The following ANKRD26 variants were observed in gnomAD, a reference collection of about 807,000 sequenced individuals.
The protein encoded by ANKRD26 is ankyrin repeat domain-containing protein 26.
In ANKRD26, 141 loss-of-function variants were observed where a neutral mutation model predicts 208.7. The observed-to-expected ratio is 0.68, with a 90% CI of 0.59 to 0.78. The LOEUF is 0.78. Among genes scored for constraint, ANKRD26 ranks in the 30% least tolerant of loss-of-function variants. ANKRD26 has a pLI of 0.00. For missense variants in ANKRD26, 1,889 were observed against 1,938.7 expected, an observed-to-expected ratio of 0.97 and a Z score of 0.48; for synonymous variants, 636 against 660.4, an observed-to-expected ratio of 0.96 and a Z score of 0.57.
At chr10:26,997,400 A>C (rs895752536) in intron 4 of ANKRD26, among the ~76,000 whole-genome samples, 1 of 152,176 alleles carries the variant, frequency 6.6e-6, no homozygotes, top group South Asian at 2.1e-4. Context: ...TCAAGGTAGA[A>C]TACTAGGAGA....
chr10:26,982,907 A>G (rs1043353695), intron 3 of ANKRD26, among the ~76,000 whole-genome samples: 1 of 152,128 alleles, frequency 6.6e-6, no homozygotes, highest in African/African-American at 2.4e-5. Context: ...ATCCAAACAA[A>G]CCACTCAACT....
chr10:27,003,451 A>G (rs759526781), downstream of ANKRD26, among the ~76,000 whole-genome samples: 29 of 152,228 alleles, frequency 1.9e-4, no homozygotes, highest in Non-Finnish European at 1.9e-4. Context: ...CAAATCACCA[A>G]TGAAATGCTT....
chr10:26,958,420 G>A, the ANKRD26 span, among the ~76,000 whole-genome samples: 186 of 152,168 alleles, frequency 1.2e-3, no homozygotes, highest in Middle Eastern at 3.4e-3. Flanking sequence ...ACATCCATTA[G>A]CTATTCTTGC....
chr10:27,014,392 T>G, intron 31 of ANKRD26, 102 bp downstream of exon 31: 1 of 892,128 alleles, frequency 1.1e-6, no homozygotes. Context: ...ATATTACCTA[T>G]TTAGCTTTCA....
chr10:27,095,700 A>C (rs571394036), intron 1 of ANKRD26, among the ~76,000 whole-genome samples: 53 of 152,306 alleles, frequency 3.5e-4, no homozygotes, highest in South Asian at 2.1e-3. Flanking sequence ...AGGGAGGAAA[A>C]GCTTCAATTG....
chr10:27,028,585 C>CAAAAAAAAAAAAAAAAAAAAAA (rs11294303), intron 27 of ANKRD26, among the ~76,000 whole-genome samples: 26 of 76,052 alleles, frequency 3.4e-4, no homozygotes, highest in East Asian at 1.3e-3. Context: ...GACTCCATCT[C>CAAAAAAAAAAAAAAAAAAAAAA]AAAAAAAAAA....
chr10:27,087,336 A>G (rs2056156141), intron 4 of ANKRD26, among the ~76,000 whole-genome samples: 2 of 152,228 alleles, frequency 1.3e-5, no homozygotes, highest in South Asian at 4.1e-4. Context: ...ACAAGATAAC[A>G]CTTTTCAAAT....
At chr10:27,022,379 C>G (rs2053518055) in intron 29 of ANKRD26, among the ~76,000 whole-genome samples, 179 bp downstream of exon 29, 1 of 152,032 alleles carries the variant, frequency 6.6e-6, no homozygotes, top group South Asian at 2.1e-4. Flanking sequence ...ACAAGTTTAA[C>G]TACATAACAA....
the ANKRD26 span, among the ~76,000 whole-genome samples, chr10:26,963,849 TTTTG>T: frequency 2.6e-5 from 4 of 151,602 alleles, no homozygotes; most frequent in Admixed American, 6.6e-5. Flanking sequence ...ACTCTATTGG[TTTTG>T]TTTGTGTTAT....
intron 21 of ANKRD26, among the ~76,000 whole-genome samples, chr10:27,038,290 G>A (rs905168537): frequency 2.6e-5 from 4 of 152,102 alleles, no homozygotes; most frequent in African/African-American, 7.2e-5. Context: ...TTTCTGTTAT[G>A]AGTACCTCTG....
chr10:26,972,183 C>A (rs551640343), downstream of ANKRD26, among the ~76,000 whole-genome samples: 12 of 148,090 alleles, frequency 8.1e-5, no homozygotes, highest in Admixed American at 7.5e-4. Context: ...TGCAGTGAGC[C>A]GAGATCGTGC....
At chr10:27,003,179 G>A (rs1589192211), downstream of ANKRD26, among the ~76,000 whole-genome samples, 1 of 152,158 alleles carries the variant, frequency 6.6e-6, no homozygotes, top group Non-Finnish European at 1.5e-5. Context: ...AGGGAGCCAG[G>A]TTGCTGTCAG....
chr10:27,009,182 T>C (rs2053004214), intron 32 of ANKRD26, among the ~76,000 whole-genome samples: 1 of 152,058 alleles, frequency 6.6e-6, no homozygotes, highest in Non-Finnish European at 1.5e-5. Context: ...TGAGGGCAAC[T>C]ACTTTTGAGA....
At chr10:26,961,153 G>C in the ANKRD26 span, among the ~76,000 whole-genome samples, 1 of 151,296 alleles carries the variant, frequency 6.6e-6, no homozygotes. Flanking sequence ...GGAGGCGGAG[G>C]TTGCAGTGAG....
chr10:26,963,903 G>GTTTTTTGTTTT, the ANKRD26 span, among the ~76,000 whole-genome samples: 1 of 71,850 alleles, frequency 1.4e-5, no homozygotes, highest in Non-Finnish European at 2.3e-5. Context: ...TGGTTGGTTG[G>GTTTTTTGTTTT]TTTTTTTTTT....
rs1316644983 is a variant in ANKRD26, at chr10:27,005,526, A to C, written c.*64T>G. 1 of 1,571,736 alleles carries C rather than the reference A, an allele frequency of 6.4e-7. No homozygotes were observed. Among genetic ancestry groups the C allele is most frequent in the African/African-American group, 1.4e-5 (1 of 73,578 alleles). ...CGTTCCTTTAATATTTTTACATGTC[A>C]TATATTAATATTTAATGAGAAACAA... On this transcript the variant is annotated 3_prime_UTR_variant, in exon 34 of 34. Coordinates refer to ENST00000376087, the MANE Select transcript of ANKRD26 (RefSeq NM_014915.3).
chr10:27,090,977 T>C (rs1490058820), intron 4 of ANKRD26, among the ~76,000 whole-genome samples: 1 of 152,126 alleles, frequency 6.6e-6, no homozygotes, highest in African/African-American at 2.4e-5. Context: ...ATGCCTGTAG[T>C]CCCAGCTACT....
Position 27,060,534 on chromosome 10 carries a change from G to A in ANKRD26, c.1469C>T (p.Pro490Leu). Residue 490 changes from proline to leucine, a missense_variant, in exon 14 of 34, where the codon CCT becomes CTT. By Grantham distance (98) the Pro-to-Leu change is moderately conservative (BLOSUM62 -3). Coordinates refer to ENST00000376087, the MANE Select transcript of ANKRD26 (RefSeq NM_014915.3). ...VGMPVAHMES[P>L]ERYLHLKPTI... Reference sequence around the variant, plus strand: ...TACCTTCAAGTGAAGATATCTCTCAGGAGACTCTAAAAACCAAAAGGGACA... The same window carrying A: ...TACCTTCAAGTGAAGATATCTCTCAAGAGACTCTAAAAACCAAAAGGGACA... 4 of 1,541,198 alleles carry A rather than the reference G, an allele frequency of 2.6e-6. No homozygotes were observed. The highest frequency in any genetic ancestry group is 3.6e-6 in the Non-Finnish European group (4 of 1,118,102).
chr10:27,078,925 AAAAAG>A (rs1168654864), intron 7 of ANKRD26, among the ~76,000 whole-genome samples, 159 bp downstream of exon 7: 1 of 151,776 alleles, frequency 6.6e-6, no homozygotes, highest in Non-Finnish European at 1.5e-5. Flanking sequence ...AAAAAAAAAA[AAAAAG>A]AATTCAACTG....
Sources: allele counts gnomAD v4.1 joint callset (sites outside exome capture counted in the v4.1 genomes callset), GRCh38; gene constraint gnomAD v4.1.1; transcripts MANE v1.5; gene names NCBI Gene and HGNC (gene_info 2026-07-23, HGNC 2026-07-21).